EPS15L1: variants seen among roughly 807,000 people sequenced by gnomAD.
EPS15L1 encodes the protein epidermal growth factor receptor substrate 15-like 1.
EPS15L1 carries 43 observed loss-of-function variants against 117.1 expected under a neutral mutation model. The ratio of observed to expected loss-of-function variants is 0.37; its 90% CI spans 0.29 to 0.47. The LOEUF is 0.47. Among genes scored for constraint, EPS15L1 ranks in the 20% least tolerant of loss-of-function variants. EPS15L1 has a pLI of 0.99. For synonymous variants in EPS15L1, 459 were observed against 470.5 expected, an observed-to-expected ratio of 0.98 and a Z score of 0.32; for missense variants, 981 against 1,164.0, an observed-to-expected ratio of 0.84 and a Z score of 2.29.
At chr19:16,434,659 A>G in intron 6 of EPS15L1, 169 bp from the exon 7 acceptor site, 3 of 671,874 alleles carry the variant, frequency 4.5e-6, no homozygotes, top group Non-Finnish European at 7.4e-6. Context: ...TCCAAAGTGA[A>G]CATATACCCT....
At chr19:16,358,074 G>A (rs1007113108) in intron 23 of EPS15L1, 2 of 152,724 alleles carry the variant, frequency 1.3e-5, no homozygotes, top group African/African-American at 4.8e-5. Flanking sequence ...ATCAAAGCCT[G>A]GAACGACCAA....
chr19:16,396,432 T>G (rs1476552988), intron 16 of EPS15L1, among the ~76,000 whole-genome samples: 2 of 152,162 alleles, frequency 1.3e-5, no homozygotes, highest in Non-Finnish European at 2.9e-5. Flanking sequence ...TGGCTAATTT[T>G]TATATTTTTT....
intron 8 of EPS15L1, among the ~76,000 whole-genome samples, chr19:16,427,574 A>G (rs546145187): frequency 6.6e-6 from 1 of 152,308 alleles, no homozygotes; most frequent in South Asian, 2.1e-4. Context: ...ACAAAGAACT[A>G]TGTCAAGACA....
chr19:16,457,620 G>C (rs2093209902), intron 1 of EPS15L1, among the ~76,000 whole-genome samples: 1 of 151,896 alleles, frequency 6.6e-6, no homozygotes, highest in South Asian at 2.1e-4. Context: ...GGGCAGAAGG[G>C]ATGGAACTGG....
intron 5 of EPS15L1, 91 bp downstream of exon 5, chr19:16,437,679 G>T: frequency 1.2e-6 from 1 of 863,952 alleles, no homozygotes; most frequent in Non-Finnish European, 1.9e-6. Flanking sequence ...GAGAAAACAT[G>T]GAAATATACA....
intron 22 of EPS15L1, among the ~76,000 whole-genome samples, chr19:16,369,349 G>C (rs1025575176): frequency 1.3e-5 from 2 of 152,304 alleles, no homozygotes; most frequent in African/African-American, 4.8e-5. Context: ...TCTGCTTCAT[G>C]CATTGAAGGG....
At chr19:16,465,204 C>T (rs1233584647) in intron 1 of EPS15L1, among the ~76,000 whole-genome samples, 3 of 152,198 alleles carry the variant, frequency 2.0e-5, no homozygotes, top group Non-Finnish European at 4.4e-5. Flanking sequence ...GCTTGGCCTA[C>T]ACCAAACACG....
rs1207560298 is a variant in EPS15L1, at chr19:16,355,313, T to A, written c.*392A>T. ...TTTATACAACGAGTGCATACACCAC[T>A]GGGGGAGTGTCTGACTGATGCGTGG... On this transcript the variant is annotated 3_prime_UTR_variant, in exon 24 of 24. Transcript: ENST00000455140. 8.4e-6 allele frequency: 1 copy of A among 119,678 alleles called. No individual in the cohort carries two copies. The allele number at this position is 119,678 out of a possible 1,614,324, so 7.4% of individuals were successfully genotyped here. A position where few individuals can be genotyped will look rare whatever the true frequency, so the allele number is the denominator to read the frequency against.
intron 9 of EPS15L1, among the ~76,000 whole-genome samples, chr19:16,422,637 C>T (rs2144955758): frequency 6.6e-6 from 1 of 152,300 alleles, no homozygotes; most frequent in East Asian, 1.9e-4. Context: ...GAAACTGCCA[C>T]TCAAAGTCAT....
intron 12 of EPS15L1, chr19:16,417,346 G>T: frequency 1.8e-6 from 1 of 554,110 alleles, no homozygotes; most frequent in Non-Finnish European, 3.3e-6. Context: ...GATGCTACGG[G>T]CTCTGGCTGA....
intron 23 of EPS15L1, among the ~76,000 whole-genome samples, chr19:16,359,900 A>C (rs4808497): frequency 0.9 from 135,112 of 150,536 alleles, 61,204 homozygotes; most frequent in Non-Finnish European, 0.96. Flanking sequence ...AAAAAAAAAA[A>C]AAAAACAGAA....
intron 21 of EPS15L1, among the ~76,000 whole-genome samples, chr19:16,378,116 GTGGATGGA>G (rs752671351): frequency 9.9e-5 from 15 of 152,028 alleles, no homozygotes; most frequent in Admixed American, 2.0e-4. Flanking sequence ...TGGCGGGTGG[GTGGATGGA>G]TGGATGGATG....
At position 16,457,352 on chromosome 19, in the gene EPS15L1, G is replaced by A. The variant is rs181384170; in HGVS notation, c.33+14561C>T. Among the ~76,000 whole-genome samples the A allele has an allele frequency of 2.2e-3, 339 of 152,318 alleles. 5 individuals carry two copies. Among genetic ancestry groups the A allele is most frequent in the Non-Finnish European group, 3.8e-4 (26 of 68,014 alleles). On this transcript the variant is annotated intron_variant, in intron 1 of 23. Transcript: ENST00000455140. ...ATGGAAGAGACAGGATGGAGGGCCAGTCCGCAGCCAGCAGCAGACATACAC... is the reference window on the plus strand; with the variant it reads ...ATGGAAGAGACAGGATGGAGGGCCAATCCGCAGCCAGCAGCAGACATACAC...
At chr19:16,408,808 GA>G (rs1475220562) in intron 13 of EPS15L1, among the ~76,000 whole-genome samples, 3 of 152,310 alleles carry the variant, frequency 2.0e-5, no homozygotes, top group East Asian at 3.9e-4. Flanking sequence ...GTGGCATGAG[GA>G]GAGGCAGATA....
chr19:16,467,733 C>T (rs529096439), intron 1 of EPS15L1, among the ~76,000 whole-genome samples: 90 of 152,222 alleles, frequency 5.9e-4, no homozygotes, highest in Non-Finnish European at 8.4e-4. Context: ...AGTAAGTGTC[C>T]GAGCCACTCA....
intron 8 of EPS15L1, among the ~76,000 whole-genome samples, chr19:16,426,405 G>C (rs191865438): frequency 6.6e-6 from 1 of 152,138 alleles, no homozygotes; most frequent in South Asian, 2.1e-4. Context: ...AGGCCGAGAC[G>C]GGCAGATCAC....
rs2092211063 is a variant in EPS15L1, at chr19:16,370,702, C to T, written c.2380+6420G>A. On this transcript the variant is annotated intron_variant, in intron 22 of 23. Transcript: ENST00000455140. This position sits in a 1 kb window ranked among gnomAD's most constrained non-coding sequence, Gnocchi z 5.2. ...GAAAGTGCTCCAAACGGCAATCTGCCTGCAGTCAGTTTAAACATACAAGGC... is the reference window on the plus strand; with the variant it reads ...GAAAGTGCTCCAAACGGCAATCTGCTTGCAGTCAGTTTAAACATACAAGGC... Among the ~76,000 whole-genome samples the T allele has an allele frequency of 6.6e-6, 1 of 152,224 alleles. No homozygotes were observed. Among genetic ancestry groups the T allele is most frequent in the Admixed American group, 6.5e-5 (1 of 15,280 alleles).
intron 7 of EPS15L1, among the ~76,000 whole-genome samples, chr19:16,431,675 G>A (rs1272040358): frequency 6.6e-6 from 1 of 152,162 alleles, no homozygotes. Context: ...ATATCTTTCA[G>A]AGTCTTCCAG....
At chr19:16,384,806 C>G (rs556470854) in intron 21 of EPS15L1, among the ~76,000 whole-genome samples, 2 of 152,212 alleles carry the variant, frequency 1.3e-5, no homozygotes, top group Non-Finnish European at 2.9e-5. Flanking sequence ...ATGGCCCTCT[C>G]GAGACGCCTG....
Sources: allele counts gnomAD v4.1 joint callset (sites outside exome capture counted in the v4.1 genomes callset), GRCh38; gene constraint gnomAD v4.1.1; non-coding constraint Gnocchi (gnomAD v3.1); transcripts MANE v1.5; gene names NCBI Gene and HGNC (gene_info 2026-07-23, HGNC 2026-07-21).